The following RIMS3 variants were observed in gnomAD, a reference collection of about 807,000 sequenced individuals.
The protein encoded by RIMS3 is regulating synaptic membrane exocytosis 3, also known as regulating synaptic membrane exocytosis protein 3.
In RIMS3, 15 loss-of-function variants were observed where a neutral mutation model predicts 29.2. That is an observed-to-expected ratio of 0.51 (90% CI 0.34 to 0.79). The LOEUF is 0.79. Ranked by LOEUF, RIMS3 falls within the 30% of genes least tolerant of loss-of-function variation. The pLI, the probability that RIMS3 is intolerant of heterozygous loss-of-function variation, is 0.01. For missense variants in RIMS3, 342 were observed against 421.4 expected, an observed-to-expected ratio of 0.81 and a Z score of 1.65; for synonymous variants, 161 against 170.1, an observed-to-expected ratio of 0.95 and a Z score of 0.41.
At chr1:40,683,403 A>C in the RIMS3 span, among the ~76,000 whole-genome samples, 1 of 152,222 alleles carries the variant, frequency 6.6e-6, no homozygotes, top group Non-Finnish European at 1.5e-5. Context: ...GAGGGAGTGG[A>C]CTCCAGATAA....
In RIMS3 at chr1:40,636,264, A is replaced by G. The variant is rs1313061419; in HGVS notation, c.218-207T>C. Among the ~76,000 whole-genome samples the G allele has an allele frequency of 6.6e-6, 1 of 152,114 alleles. No individual in the cohort carries two copies. The highest frequency in any genetic ancestry group is 2.4e-5 in the African/African-American group (1 of 41,426). ...ACCTGGCCCTGCTCCGGGCAGTGAC[A>G]CTGACAGAGCAGACTAGAAAGATGG... is the stretch of plus-strand genomic sequence containing the variant. On this transcript the variant is annotated intron_variant, in intron 3 of 7. Coordinates refer to ENST00000372684, the MANE Select transcript of RIMS3 (RefSeq NM_014747.3). This position sits in a 1 kb window ranked among gnomAD's most constrained non-coding sequence, Gnocchi z 4.2.
intron 2 of RIMS3, among the ~76,000 whole-genome samples, chr1:40,646,936 A>G (rs1312765126): frequency 6.6e-6 from 1 of 150,610 alleles, no homozygotes; most frequent in Non-Finnish European, 1.5e-5. Context: ...GCTAGAGTGC[A>G]GTGGTGCGAT....
chr1:40,691,479 G>A, the RIMS3 span: 6 of 299,846 alleles, frequency 2.0e-5, no homozygotes, highest in African/African-American at 4.6e-5. Context: ...GGTGGTGGAG[G>A]TCACTGGGCA....
At chr1:40,673,896 A>G in the RIMS3 span, among the ~76,000 whole-genome samples, 2 of 152,156 alleles carry the variant, frequency 1.3e-5, no homozygotes, top group African/African-American at 2.4e-5. Flanking sequence ...TGCTGGCATC[A>G]CAGGGGAGTT....
intron 1 of RIMS3, among the ~76,000 whole-genome samples, chr1:40,663,746 A>ATG (rs1642385551): frequency 6.6e-6 from 1 of 152,188 alleles, no homozygotes; most frequent in Admixed American, 6.5e-5. Flanking sequence ...AGACAGTGAC[A>ATG]CAGACCACAT....
At chr1:40,661,404 G>A (rs1642350549) in intron 1 of RIMS3, among the ~76,000 whole-genome samples, 1 of 152,068 alleles carries the variant, frequency 6.6e-6, no homozygotes, top group Non-Finnish European at 1.5e-5. Context: ...ACCCCTACCC[G>A]ATTTGTGGGG....
intron 1 of RIMS3, among the ~76,000 whole-genome samples, chr1:40,662,910 C>T (rs1642372333): frequency 6.6e-6 from 1 of 152,178 alleles, no homozygotes; most frequent in Non-Finnish European, 1.5e-5. Context: ...TGAATCCTGT[C>T]TGTCTGATGC....
Position 40,665,194 on chromosome 1 carries a change from C to G in RIMS3, c.-207+200G>C, listed in dbSNP as rs547726201. The stretch of plus-strand genomic sequence containing the variant: ...CCCATTTTCCAGGCTTCCCCAAACA[C>G]CCCACGTCCCTCTCTCATCCCTTAG... On this transcript the variant is annotated intron_variant, in intron 1 of 7. Coordinates refer to ENST00000372684, the MANE Select transcript of RIMS3 (RefSeq NM_014747.3). Among the ~76,000 whole-genome samples, 2 of 152,068 alleles carry G rather than the reference C, an allele frequency of 1.3e-5. 1 individual carries two copies. The highest frequency in any genetic ancestry group is 4.1e-4 in the South Asian group (2 of 4,830).
chr1:40,635,429 C>T lies in RIMS3; in HGVS notation c.359+487G>A, dbSNP rs189384058. 4.3e-4 allele frequency among the ~76,000 whole-genome samples: 65 copies of T among 152,202 alleles called. No individual in the cohort carries two copies. Among genetic ancestry groups the T allele is most frequent in the Admixed American group, 1.9e-3 (29 of 15,288 alleles). Reference sequence around the variant, plus strand: ...TTCTTTTTCTAATGCTGGTTTTGACCCACTAAACCTATTTTATTTCCTGTC... The same window carrying T: ...TTCTTTTTCTAATGCTGGTTTTGACTCACTAAACCTATTTTATTTCCTGTC... On this transcript the variant is annotated intron_variant, in intron 4 of 7. Coordinates refer to ENST00000372684, the MANE Select transcript of RIMS3 (RefSeq NM_014747.3). This position sits in a 1 kb window ranked among gnomAD's most constrained non-coding sequence, Gnocchi z 4.1.
chr1:40,673,571 T>G, the RIMS3 span: 4 of 152,558 alleles, frequency 2.6e-5, no homozygotes, highest in African/African-American at 9.7e-5. Flanking sequence ...CCACTCTAGC[T>G]TTTCCCTGTA....
Position 40,626,571 on chromosome 1 carries a change from G to A in RIMS3, c.873C>T (p.Thr291=), listed in dbSNP as rs776969428. ...CCAGGGAAGACTGGGACAGGCGCCTGGTGAGGGATCCGAGTGTGGAGTCTG... is the reference window on the plus strand; with the variant it reads ...CCAGGGAAGACTGGGACAGGCGCCTAGTGAGGGATCCGAGTGTGGAGTCTG... ...SVADSTLGSL[T]RRLSQSSLES... The change falls in exon 8 of 8, where the codon ACC becomes ACT. Residue 291 remains threonine (T), a synonymous_variant. Transcript: ENST00000372684. 6.2e-6 allele frequency: 10 copies of A among 1,613,758 alleles called. No individual in the cohort carries two copies. The highest frequency in any genetic ancestry group is 1.6e-4 in the Middle Eastern group (1 of 6,084).
At chr1:40,677,093 G>C in the RIMS3 span, among the ~76,000 whole-genome samples, 1 of 151,594 alleles carries the variant, frequency 6.6e-6, no homozygotes, top group Non-Finnish European at 1.5e-5. Context: ...CTGCCTCCCA[G>C]GTTCAAGTGA....
chr1:40,656,234 G>A (rs997860412), intron 1 of RIMS3, among the ~76,000 whole-genome samples: 5 of 151,954 alleles, frequency 3.3e-5, no homozygotes. Flanking sequence ...ATCTAGTCTC[G>A]ATAAATAAAC....
rs745663983 is a variant in RIMS3, at chr1:40,628,996, G to A, written c.575-47C>T. 3 of 1,609,114 alleles carry A rather than the reference G, an allele frequency of 1.9e-6. No individual in the cohort carries two copies. The African/African-American group carries it at 4.0e-5, about 21-fold the overall frequency. On this transcript the variant is annotated intron_variant, in intron 6 of 7. Transcript: ENST00000372684. The stretch of plus-strand genomic sequence containing the variant: ...GACAGGGAGGGGTCCAGGACAGACA[G>A]CTTTGGCCTGCCCATCCCCTAACTG...
At chr1:40,666,425 C>G (rs943140069), upstream of RIMS3, among the ~76,000 whole-genome samples, 1 of 152,212 alleles carries the variant, frequency 6.6e-6, no homozygotes, top group African/African-American at 2.4e-5. Context: ...AGAGAATTGT[C>G]AGGCCCGAAA....
chr1:40,690,544 A>G, the RIMS3 span: 1 of 152,226 alleles, frequency 6.6e-6, no homozygotes, highest in Non-Finnish European at 1.5e-5. Flanking sequence ...CTTTTTACAG[A>G]TGAAGGAATT....
rs1646434633 is a variant in RIMS3, at chr1:40,623,478, G to A, written c.*3039C>T. 2.5e-6 allele frequency: 1 copy of A among 398,664 alleles called. No individual in the cohort carries two copies. The allele number at this position is 398,664 out of a possible 1,614,324, so 24.7% of individuals were successfully genotyped here. ...CCAACATCACTGCAGGGCCACTCCT[G>A]TCTCTGCCATATGCACAGTGAACCT... On this transcript the variant is annotated 3_prime_UTR_variant, in exon 8 of 8. Coordinates refer to ENST00000372684, the MANE Select transcript of RIMS3 (RefSeq NM_014747.3).
the RIMS3 span, among the ~76,000 whole-genome samples, chr1:40,672,498 G>A: frequency 3.3e-5 from 5 of 152,074 alleles, no homozygotes; most frequent in Admixed American, 6.6e-5. Context: ...GTGCCTGGCC[G>A]CTAGATGATT....
chr1:40,672,813 CTGAT>C, the RIMS3 span, among the ~76,000 whole-genome samples: 1 of 148,972 alleles, frequency 6.7e-6, no homozygotes, highest in Non-Finnish European at 1.5e-5. Flanking sequence ...CTACAGTAAA[CTGAT>C]TGTATCACTG....
Sources: gnomAD v4.1 joint callset for allele counts (sites outside exome capture counted in the v4.1 genomes callset) on GRCh38, gnomAD v4.1.1 for gene constraint, Gnocchi (gnomAD v3.1) non-coding constraint, MANE v1.5 for transcripts, NCBI Gene and HGNC (gene_info 2026-07-23, HGNC 2026-07-21) for gene names.